COBLL1: variants seen among roughly 807,000 people sequenced by gnomAD.
COBLL1 encodes cordon-bleu protein-like 1.
In COBLL1, 50 loss-of-function variants were observed where a neutral mutation model predicts 94.8. The observed-to-expected ratio is 0.53, with a 90% confidence interval of 0.42 to 0.67. The LOEUF (loss-of-function observed/expected upper bound fraction) is 0.67, where lower values mean the gene tolerates loss of function less well. Among genes scored for constraint, COBLL1 ranks in the 30% least tolerant of loss-of-function variants. COBLL1 has a pLI of 0.00. For missense variants in COBLL1, 1,362 were observed against 1,348.7 expected, an observed-to-expected ratio of 1.01 and a Z score of -0.15; for synonymous variants, 448 against 473.8, an observed-to-expected ratio of 0.95 and a Z score of 0.71.
intron 1 of COBLL1, among the ~76,000 whole-genome samples, chr2:164,669,401 G>A (rs1217898207): frequency 3.3e-4 from 50 of 152,244 alleles, no homozygotes. Context: ...GAGACTTATA[G>A]AGTTTGGCTT....
At chr2:164,811,769 A>C (rs1472673530) in intron 2 of COBLL1, among the ~76,000 whole-genome samples, 1 of 151,846 alleles carries the variant, frequency 6.6e-6, no homozygotes, top group Non-Finnish European at 1.5e-5. Context: ...CTAGAAATAC[A>C]TAAAGAACCT....
intron 3 of COBLL1, 32 bp from the exon 4 acceptor site, chr2:164,730,147 T>C (rs1370092500): frequency 5.1e-6 from 8 of 1,560,998 alleles, no homozygotes; most frequent in Admixed American, 1.7e-5. Context: ...TTACCCGTTA[T>C]TGTTTTGAGG....
chr2:164,806,736 G>A (rs1355265473), intron 2 of COBLL1, among the ~76,000 whole-genome samples: 1 of 152,084 alleles, frequency 6.6e-6, no homozygotes, highest in Non-Finnish European at 1.5e-5. Context: ...GTCCCACTCT[G>A]TCACCCAACC....
downstream of COBLL1, among the ~76,000 whole-genome samples, chr2:164,677,489 C>T (rs1691358772): frequency 6.6e-6 from 1 of 152,106 alleles, no homozygotes. Flanking sequence ...CTAGCAAGGG[C>T]AAGGATCCTT....
intron 2 of COBLL1, among the ~76,000 whole-genome samples, chr2:164,755,484 C>T (rs1687352460): frequency 6.6e-6 from 1 of 152,106 alleles, no homozygotes; most frequent in African/African-American, 2.4e-5. Context: ...TGTTGTTATA[C>T]CTCTCTCAAA....
chr2:164,830,998 GAT>G (rs1239930123), intron 2 of COBLL1, among the ~76,000 whole-genome samples: 1 of 152,194 alleles, frequency 6.6e-6, no homozygotes, highest in Non-Finnish European at 1.5e-5. Flanking sequence ...TGAAAAGACT[GAT>G]ATCATAGGAT....
chr2:164,818,123 T>C (rs1384910975), intron 2 of COBLL1, among the ~76,000 whole-genome samples: 2 of 151,538 alleles, frequency 1.3e-5, no homozygotes, highest in African/African-American at 2.4e-5. Context: ...CGTGTGCATG[T>C]ACATATATGT....
At chr2:164,727,633 A>T (rs3820986) in intron 5 of COBLL1, among the ~76,000 whole-genome samples, 28,096 of 151,260 alleles carry the variant, frequency 0.19, 3,235 homozygotes, top group African/African-American at 0.32. Flanking sequence ...TTTATATGTA[A>T]ATTTTTATTT....
intron 7 of COBLL1, among the ~76,000 whole-genome samples, chr2:164,721,055 T>C (rs755693028): frequency 6.6e-6 from 1 of 152,258 alleles, no homozygotes; most frequent in Non-Finnish European, 1.5e-5. Context: ...TCTATCTCTT[T>C]GAGTTGCATG....
At chr2:164,806,068 T>C (rs1000915966) in intron 2 of COBLL1, among the ~76,000 whole-genome samples, 1 of 152,190 alleles carries the variant, frequency 6.6e-6, no homozygotes, top group African/African-American at 2.4e-5. Flanking sequence ...TTAAATGTTT[T>C]TATTGGTTTT....
At chr2:164,705,894 C>T (rs771453185) in intron 7 of COBLL1, among the ~76,000 whole-genome samples, 52 of 152,122 alleles carry the variant, frequency 3.4e-4, no homozygotes, top group Admixed American at 3.3e-4. Flanking sequence ...ATTAGCCAGG[C>T]GTGGTGGCAT....
chr2:164,733,378 G>A (rs766770127), intron 3 of COBLL1, among the ~76,000 whole-genome samples: 15 of 152,018 alleles, frequency 9.9e-5, no homozygotes, highest in Non-Finnish European at 1.9e-4. Context: ...AAAAGTTGCC[G>A]ACTATATCAT....
rs148526404 is a variant in COBLL1, at chr2:164,714,142, A to G, written c.996+7933T>C. 5.0e-3 allele frequency among the ~76,000 whole-genome samples: 671 copies of G among 134,794 alleles called. 2 individuals are homozygous for G. The highest frequency in any genetic ancestry group is 0.02 in the African/African-American group (617 of 30,642). The allele number at this position is 134,794 out of a possible 152,430, so 88.4% of individuals were successfully genotyped here. ...TCTTCTTTCCAGCCCTTGTCTAGGC[A>G]CAATAGAAAGAAACACACACACACA... On this transcript the variant is annotated intron_variant, in intron 7 of 13. Transcript: ENST00000652658.
rs559497794 is a variant in COBLL1, at chr2:164,698,653, GT to G, written c.1555+751del. The stretch of plus-strand genomic sequence containing the variant: ...TATTTTATGAGTATCTCAGGATTCT[GT>G]TAGGTGCCATGAGTAGTGCAAAGTA... On this transcript the variant is annotated intron_variant, in intron 11 of 13. Coordinates refer to ENST00000652658, the MANE Select transcript of COBLL1 (RefSeq NM_001365672.2). 4.0e-3 allele frequency among the ~76,000 whole-genome samples: 614 copies of G among 151,950 alleles called. 3 individuals are homozygous for G. The highest frequency in any genetic ancestry group is 6.1e-3 in the Non-Finnish European group (417 of 67,830).
chr2:164,705,078 C>A lies in COBLL1; in HGVS notation c.1024G>T (p.Ala342Ser). 1 of 1,560,206 alleles carries A rather than the reference C, an allele frequency of 6.4e-7. No homozygotes were observed. Among genetic ancestry groups the A allele is most frequent in the Non-Finnish European group, 8.6e-7 (1 of 1,156,072 alleles). ...KSPCEAGRVR[A>S]GSLQLSSMSA... is the part of the protein sequence containing the mutation. ...ATGCTGCTGAGCTGCAGTGAACCTG[C>A]CCTCACTCTTCCTGCTTCACAGGGA... Residue 342 changes from alanine to serine, a missense_variant, in exon 8 of 14, where the codon GCA becomes TCA. Coordinates refer to ENST00000652658, the MANE Select transcript of COBLL1 (RefSeq NM_001365672.2).
chr2:164,830,506 C>T lies in COBLL1; in HGVS notation c.41+10650G>A, dbSNP rs138288606. Among the ~76,000 whole-genome samples the T allele has an allele frequency of 3.1e-3, 467 of 152,128 alleles. 1 individual carries two copies. The highest frequency in any genetic ancestry group is 0.01 in the African/African-American group (429 of 41,482). ...AAGTGTTGCACCCCACATATATATA[C>T]GAATCTTGAATTTGATTAGAAAGCT... On this transcript the variant is annotated intron_variant, in intron 2 of 13. Coordinates refer to ENST00000652658, the MANE Select transcript of COBLL1 (RefSeq NM_001365672.2).
chr2:164,784,993 T>C (rs914763301), intron 2 of COBLL1, among the ~76,000 whole-genome samples: 1 of 152,104 alleles, frequency 6.6e-6, no homozygotes, highest in African/African-American at 2.4e-5. Context: ...AATGTATTAA[T>C]GCTATTGTAA....
intron 2 of COBLL1, among the ~76,000 whole-genome samples, chr2:164,774,387 A>C (rs1425251574): frequency 2.0e-5 from 3 of 152,158 alleles, no homozygotes; most frequent in Non-Finnish European, 4.4e-5. Context: ...TCTACTGTGA[A>C]GGCCCTGATG....
chr2:164,806,845 A>ATGAG (rs1046470536), intron 2 of COBLL1, among the ~76,000 whole-genome samples: 1 of 152,094 alleles, frequency 6.6e-6, no homozygotes, highest in African/African-American at 2.4e-5. Context: ...GTCTACAAGC[A>ATGAG]TGTGCTGCCA....
Sources: allele counts gnomAD v4.1 joint callset (sites outside exome capture counted in the v4.1 genomes callset), GRCh38; gene constraint gnomAD v4.1.1; transcripts MANE v1.5; gene names NCBI Gene and HGNC (gene_info 2026-07-23, HGNC 2026-07-21).